The following GALNT17 variants were observed in gnomAD, a reference collection of about 807,000 sequenced individuals.
GALNT17 encodes UDP-GalNAc:polypeptide N-acetylgalactosaminyltransferase-like 3.
A neutral mutation model predicts 63.7 loss-of-function variants in GALNT17; 29 were observed. That is an observed-to-expected ratio of 0.46 (90% CI 0.34 to 0.62). The LOEUF (loss-of-function observed/expected upper bound fraction) is 0.62, where lower values mean the gene tolerates loss of function less well. GALNT17 is among the 20% of genes least tolerant of loss of function. The pLI, the probability that GALNT17 is intolerant of heterozygous loss-of-function variation, is 0.01. For missense variants in GALNT17, 603 were observed against 799.6 expected, an observed-to-expected ratio of 0.75 and a Z score of 2.97; for synonymous variants, 305 against 318.3, an observed-to-expected ratio of 0.96 and a Z score of 0.45.
chr7:71,153,189 T>C (rs957423267), intron 1 of GALNT17, among the ~76,000 whole-genome samples: 1 of 152,150 alleles, frequency 6.6e-6, no homozygotes, highest in African/African-American at 2.4e-5. Context: ...AGCTGGGGCT[T>C]TGGAAAAAAT....
At chr7:71,506,148 C>T (rs1242159148) in intron 5 of GALNT17, among the ~76,000 whole-genome samples, 2 of 152,098 alleles carry the variant, frequency 1.3e-5, no homozygotes, top group African/African-American at 4.8e-5. Flanking sequence ...CACTAGGACT[C>T]CATATGTATT....
At chr7:71,195,596 G>A (rs1789033617) in intron 1 of GALNT17, among the ~76,000 whole-genome samples, 1 of 151,354 alleles carries the variant, frequency 6.6e-6, no homozygotes, top group Non-Finnish European at 1.5e-5. Flanking sequence ...CACCCAGACT[G>A]GAGTTCAGTG....
chr7:71,220,459 C>A (rs372204300), intron 1 of GALNT17, among the ~76,000 whole-genome samples: 3 of 152,170 alleles, frequency 2.0e-5, no homozygotes, highest in Non-Finnish European at 4.4e-5. Context: ...TTCATAACAT[C>A]TTTCTGAGAA....
At chr7:71,458,994 G>A (rs1211031939) in intron 5 of GALNT17, among the ~76,000 whole-genome samples, 1 of 152,074 alleles carries the variant, frequency 6.6e-6, no homozygotes, top group African/African-American at 2.4e-5. Flanking sequence ...GGCCTTTGCT[G>A]GGGAACCGCC....
intron 8 of GALNT17, among the ~76,000 whole-genome samples, chr7:71,673,325 G>T (rs1382570827): frequency 5.3e-5 from 8 of 151,822 alleles, no homozygotes; most frequent in Non-Finnish European, 1.5e-5. Context: ...TCATGGTTGG[G>T]GATATTTTAT....
chr7:71,153,979 CT>C (rs1788182738), intron 1 of GALNT17, among the ~76,000 whole-genome samples: 1 of 152,024 alleles, frequency 6.6e-6, no homozygotes, highest in African/African-American at 2.4e-5. Context: ...AAATTTGACA[CT>C]TTCCCCATCA....
chr7:71,137,043 C>T (rs1284258238), intron 1 of GALNT17, among the ~76,000 whole-genome samples: 1 of 146,256 alleles, frequency 6.8e-6, no homozygotes, highest in Non-Finnish European at 1.5e-5. Context: ...TCACCCCACA[C>T]CCCACCTCAG....
At chr7:71,532,901 T>G (rs1788744255) in intron 5 of GALNT17, among the ~76,000 whole-genome samples, 1 of 152,222 alleles carries the variant, frequency 6.6e-6, no homozygotes, top group Admixed American at 6.5e-5. Context: ...TCTCCTCATT[T>G]TGGTGTGGAT....
At chr7:71,389,740 A>G (rs979930756) in intron 3 of GALNT17, among the ~76,000 whole-genome samples, 16 of 152,266 alleles carry the variant, frequency 1.1e-4, no homozygotes, top group Middle Eastern at 3.4e-3. Flanking sequence ...CGAAATAAAA[A>G]ATTCCATCCC....
chr7:71,216,631 T>C (rs1162757618), intron 1 of GALNT17, among the ~76,000 whole-genome samples: 1 of 151,000 alleles, frequency 6.6e-6, no homozygotes, highest in African/African-American at 2.4e-5. Context: ...CACACACACA[T>C]ATACATATAT....
At chr7:71,536,011 G>A (rs1788796834) in intron 5 of GALNT17, among the ~76,000 whole-genome samples, 2 of 152,148 alleles carry the variant, frequency 1.3e-5, no homozygotes, top group African/African-American at 4.8e-5. Context: ...AGCTTGTTTA[G>A]TAATAAAAAT....
chr7:71,629,149 A>ATG (rs1790419381), intron 6 of GALNT17, among the ~76,000 whole-genome samples: 1 of 151,990 alleles, frequency 6.6e-6, no homozygotes, highest in Non-Finnish European at 1.5e-5. Flanking sequence ...TAGCAGAGGC[A>ATG]CCAAGCAGGA....
chr7:71,483,692 C>T (rs1583992507), intron 5 of GALNT17, among the ~76,000 whole-genome samples: 2 of 151,974 alleles, frequency 1.3e-5, no homozygotes, highest in East Asian at 3.9e-4. Context: ...TTTAAAATCC[C>T]TTCTTCAGTG....
intron 9 of GALNT17, among the ~76,000 whole-genome samples, chr7:71,677,705 C>T (rs992035668): frequency 2.0e-5 from 3 of 151,932 alleles, no homozygotes; most frequent in Admixed American, 6.6e-5. Flanking sequence ...TTAGTAGAGA[C>T]GGGGTTTCAC....
At chr7:71,263,050 G>A (rs1465300292) in intron 1 of GALNT17, among the ~76,000 whole-genome samples, 3 of 152,094 alleles carry the variant, frequency 2.0e-5, no homozygotes, top group Non-Finnish European at 4.4e-5. Context: ...ACCATATGAG[G>A]TTGCACAAGG....
chr7:71,698,140 A>AC (rs1584145615), intron 9 of GALNT17, among the ~76,000 whole-genome samples: 6 of 150,424 alleles, frequency 4.0e-5, no homozygotes, highest in East Asian at 3.9e-4. Context: ...AAAAAAAAAA[A>AC]AGAAAAGAAA....
chr7:71,449,061 T>C (rs993260401), intron 5 of GALNT17, among the ~76,000 whole-genome samples: 3 of 150,308 alleles, frequency 2.0e-5, no homozygotes, highest in Admixed American at 2.0e-4. Flanking sequence ...ATGTGTTTGC[T>C]CTACTTCAGT....
At chr7:71,377,236 A>G (rs1257147837) in intron 2 of GALNT17, among the ~76,000 whole-genome samples, 1 of 150,264 alleles carries the variant, frequency 6.7e-6, no homozygotes, top group Non-Finnish European at 1.5e-5. Context: ...AGGAAAGCTG[A>G]GCCCCACAAA....
chr7:71,346,135 G>C (rs567450676), intron 2 of GALNT17, among the ~76,000 whole-genome samples: 1 of 151,878 alleles, frequency 6.6e-6, no homozygotes, highest in African/African-American at 2.4e-5. Context: ...AAGGCTACAG[G>C]GAGCTATGAT....
Sources: gnomAD v4.1 joint callset for allele counts (sites outside exome capture counted in the v4.1 genomes callset) on GRCh38, gnomAD v4.1.1 for gene constraint, MANE v1.5 for transcripts, NCBI Gene and HGNC (gene_info 2026-07-23, HGNC 2026-07-21) for gene names.